Variants in RBFOX1 observed in about 807,000 individuals in gnomAD.
RBFOX1 encodes RNA binding protein fox-1 homolog 1.
Under a neutral mutation model 57.7 loss-of-function variants are expected in RBFOX1, and 8 were observed. The observed-to-expected ratio is 0.14, with a 90% CI of 0.08 to 0.25. The LOEUF is 0.25. Among genes scored for constraint, RBFOX1 ranks in the 10% least tolerant of loss-of-function variants. The pLI is 1.00. For synonymous variants in RBFOX1, 326 were observed against 222.4 expected (o/e 1.47, Z -4.15); for missense variants, 611 against 548.5 (o/e 1.11, Z -1.14).
intron 14 of RBFOX1, among the ~76,000 whole-genome samples, chr16:7,686,247 C>T (rs919238747): frequency 1.3e-5 from 2 of 151,652 alleles, no homozygotes; most frequent in African/African-American, 4.8e-5. Context: ...TAATTTTTGA[C>T]TAAATACATT....
At chr16:5,765,338 T>C (rs958163297) in intron 3 of RBFOX1, among the ~76,000 whole-genome samples, 4 of 152,146 alleles carry the variant, frequency 2.6e-5, no homozygotes, top group Admixed American at 6.5e-5. Context: ...ACCAATTGTT[T>C]CCCAAGGGAA....
intron 1 of RBFOX1, among the ~76,000 whole-genome samples, chr16:6,241,019 C>G (rs565343421): frequency 6.6e-6 from 1 of 152,160 alleles, no homozygotes; most frequent in Admixed American, 6.5e-5. Flanking sequence ...CAATACTTCG[C>G]ATTCATAATA....
Position 7,387,051 on chromosome 16 carries a change from C to T in RBFOX1, c.28-131096C>T, listed in dbSNP as rs567342451. Among the ~76,000 whole-genome samples the T allele has an allele frequency of 3.9e-4, 60 of 152,186 alleles. 1 individual carries two copies. Among genetic ancestry groups the T allele is most frequent in the African/African-American group, 1.3e-3 (54 of 41,502 alleles). ...CTCTTGAGAAGTGTCTGTTCATATC[C>T]TTTGCCCACTTTTTGATGGGGTTGT... On this transcript the variant is annotated intron_variant, in intron 4 of 15. Coordinates refer to ENST00000550418, the MANE Select transcript of RBFOX1 (RefSeq NM_018723.4).
intron 3 of RBFOX1, among the ~76,000 whole-genome samples, chr16:5,751,092 C>T (rs1444200600): frequency 3.3e-5 from 5 of 152,128 alleles, no homozygotes; most frequent in African/African-American, 2.4e-5. Flanking sequence ...ATCTGCCCAC[C>T]TCGGCCTCCT....
chr16:7,634,678 C>T (rs377661407), intron 11 of RBFOX1, among the ~76,000 whole-genome samples: 18 of 152,064 alleles, frequency 1.2e-4, no homozygotes, highest in East Asian at 9.7e-4. Context: ...CAACTAATTC[C>T]GTAGACTCTT....
intron 3 of RBFOX1, among the ~76,000 whole-genome samples, chr16:6,931,271 A>G (rs2076461248): frequency 8.0e-6 from 1 of 124,672 alleles, no homozygotes; most frequent in Admixed American, 8.3e-5. Flanking sequence ...AAAAAAAAAA[A>G]TCTATCTATC....
intron 1 of RBFOX1, among the ~76,000 whole-genome samples, chr16:6,055,203 G>T (rs774346291): frequency 2.0e-5 from 3 of 151,988 alleles, no homozygotes; most frequent in African/African-American, 7.3e-5. Context: ...TTATTAAAAA[G>T]CACTTATTAT....
chr16:7,266,414 C>T (rs932080053), intron 4 of RBFOX1, among the ~76,000 whole-genome samples: 2 of 152,226 alleles, frequency 1.3e-5, no homozygotes, highest in African/African-American at 2.4e-5. Flanking sequence ...TCGCTGGAAG[C>T]CCAGCAGATG....
chr16:7,506,190 A>AAAAAAC (rs2073234110), intron 4 of RBFOX1, among the ~76,000 whole-genome samples: 1 of 134,988 alleles, frequency 7.4e-6, no homozygotes, highest in African/African-American at 3.3e-5. Context: ...GTCTCAAAAA[A>AAAAAAC]AAAAAAAAAA....
chr16:6,092,717 C>T (rs1207037279), intron 1 of RBFOX1: 1 of 152,122 alleles, frequency 6.6e-6, no homozygotes, highest in East Asian at 1.9e-4. Context: ...GGCATTATTT[C>T]TGGGCCCTCT....
chr16:5,487,342 C>T (rs888203799), intron 2 of RBFOX1, among the ~76,000 whole-genome samples: 1 of 152,108 alleles, frequency 6.6e-6, no homozygotes, highest in African/African-American at 2.4e-5. Flanking sequence ...TCTTCTTTTT[C>T]AATGAATGGG....
intron 1 of RBFOX1, among the ~76,000 whole-genome samples, chr16:5,416,291 C>T (rs190255347): frequency 6.6e-6 from 1 of 152,274 alleles, no homozygotes; most frequent in African/African-American, 2.4e-5. Flanking sequence ...ATGGTGGAGC[C>T]AGGACTTACA....
chr16:7,603,468 C>T (rs770298181), intron 9 of RBFOX1, among the ~76,000 whole-genome samples: 19 of 152,120 alleles, frequency 1.2e-4, no homozygotes, highest in Admixed American at 6.5e-4. Flanking sequence ...ATAGCATTAA[C>T]GGCAATGCAG....
intron 4 of RBFOX1, among the ~76,000 whole-genome samples, chr16:7,322,026 C>G (rs545662097): frequency 1.4e-3 from 208 of 152,362 alleles, no homozygotes; most frequent in African/African-American, 4.6e-3. Context: ...TGTATAGTCT[C>G]TGAAAACACA....
chr16:6,080,156 G>A (rs1034425966), intron 1 of RBFOX1, among the ~76,000 whole-genome samples: 2 of 152,196 alleles, frequency 1.3e-5, no homozygotes, highest in African/African-American at 4.8e-5. Context: ...GGAGAGGCAA[G>A]GAGAGAGCGT....
At chr16:7,621,306 G>A (rs1353516759) in intron 10 of RBFOX1, among the ~76,000 whole-genome samples, 2 of 151,988 alleles carry the variant, frequency 1.3e-5, no homozygotes, top group Non-Finnish European at 2.9e-5. Context: ...CATCACCCAG[G>A]CTGGAGTGCA....
chr16:6,476,418 A>G (rs544538040), intron 2 of RBFOX1, among the ~76,000 whole-genome samples: 28 of 152,232 alleles, frequency 1.8e-4, no homozygotes, highest in Non-Finnish European at 3.4e-4. Flanking sequence ...AAATATCATA[A>G]TAGAGGGAGT....
At position 7,705,522 on chromosome 16, in the gene RBFOX1, T is replaced by A. The variant is rs186577991; in HGVS notation, c.996-3534T>A. Reference sequence around the variant, plus strand: ...CAACTCAAAAAAATATTAAATTTTTTAAAAATCCTATGTGCCTGGAGCACA... The same window carrying A: ...CAACTCAAAAAAATATTAAATTTTTAAAAAATCCTATGTGCCTGGAGCACA... On this transcript the variant is annotated intron_variant, in intron 14 of 15. Coordinates refer to ENST00000550418, the MANE Select transcript of RBFOX1 (RefSeq NM_018723.4). Among the ~76,000 whole-genome samples, 1,177 of 152,196 alleles carry A rather than the reference T, an allele frequency of 7.7e-3. 14 individuals are homozygous for A. The highest frequency in any genetic ancestry group is 0.027 in the African/African-American group (1,122 of 41,538).
At chr16:6,641,297 A>C (rs1456928177) in intron 2 of RBFOX1, among the ~76,000 whole-genome samples, 3 of 152,154 alleles carry the variant, frequency 2.0e-5, no homozygotes, top group African/African-American at 7.2e-5. Context: ...AGAGGACAGC[A>C]TTGTAACACG....
Sources: gnomAD v4.1 joint callset for allele counts (sites outside exome capture counted in the v4.1 genomes callset) on GRCh38, gnomAD v4.1.1 for gene constraint, MANE v1.5 for transcripts, NCBI Gene and HGNC (gene_info 2026-07-23, HGNC 2026-07-21) for gene names.